PTP4A2: variants seen among roughly 807,000 people sequenced by gnomAD.
PTP4A2 encodes protein tyrosine phosphatase 4A2, also known as protein tyrosine phosphatase type IVA 2.
PTP4A2 carries 2 observed loss-of-function variants against 22.9 expected under a neutral mutation model. The observed-to-expected ratio is 0.09, with a 90% CI of 0.04 to 0.27. The LOEUF (loss-of-function observed/expected upper bound fraction) is 0.27, where lower values mean the gene tolerates loss of function less well. Among genes scored for constraint, PTP4A2 ranks in the 10% least tolerant of loss-of-function variants. The pLI is 1.00. For synonymous variants in PTP4A2, 68 were observed against 69.1 expected (o/e 0.98, Z 0.08); for missense variants, 103 against 205.1 (o/e 0.50, Z 3.04).
chr1:31,937,312 G>A (rs1334451445), intron 1 of PTP4A2, among the ~76,000 whole-genome samples: 1 of 152,078 alleles, frequency 6.6e-6, no homozygotes, highest in Non-Finnish European at 1.5e-5. Context: ...TAGTGCCGCT[G>A]GAGGAGACTT....
At chr1:31,918,260 A>C (rs1304058688) in intron 2 of PTP4A2, among the ~76,000 whole-genome samples, 1 of 152,184 alleles carries the variant, frequency 6.6e-6, no homozygotes, top group Non-Finnish European at 1.5e-5. Context: ...AAAAAAAAAA[A>C]AAACTTATGT....
rs1243509914 is a variant in PTP4A2, at chr1:31,906,680, C to G, written c.*2172G>C. On this transcript the variant is annotated 3_prime_UTR_variant, in exon 6 of 6. Transcript: ENST00000647444. The stretch of plus-strand genomic sequence containing the variant: ...TACATCCTTCTCCTCAATACAGAAC[C>G]AGGAATGTAATTTTCCTAACTCAGG... 2 of 151,812 alleles carry G rather than the reference C, an allele frequency of 1.3e-5. No individual in the cohort carries two copies. Among genetic ancestry groups the G allele is most frequent in the African/African-American group, 4.8e-5 (2 of 41,270 alleles). The allele number at this position is 151,812 out of a possible 1,614,324, so 9.4% of individuals were successfully genotyped here. A position where few individuals can be genotyped will look rare whatever the true frequency, so the allele number is the denominator to read the frequency against.
At chr1:31,931,680 AT>A (rs1253401695) in intron 1 of PTP4A2, among the ~76,000 whole-genome samples, 1 of 152,188 alleles carries the variant, frequency 6.6e-6, no homozygotes, top group African/African-American at 2.4e-5. Context: ...TGTGACTTAT[AT>A]TTAAAGTACT....
intron 1 of PTP4A2, among the ~76,000 whole-genome samples, chr1:31,920,126 CAAAAAA>C (rs772173962): frequency 4.6e-5 from 2 of 43,148 alleles, no homozygotes; most frequent in African/African-American, 9.5e-5. Flanking sequence ...AACTCTGCCT[CAAAAAA>C]AAAAAAAAAA....
intron 1 of PTP4A2, among the ~76,000 whole-genome samples, chr1:31,932,412 C>A (rs1652762090): frequency 6.6e-6 from 1 of 152,066 alleles, no homozygotes; most frequent in African/African-American, 2.4e-5. Context: ...ATTTAAAAAG[C>A]CAACATTGTG....
chr1:31,907,267 GCAC>G lies in PTP4A2; in HGVS notation c.*1582_*1584del, dbSNP rs1651222751. 6.6e-6 allele frequency: 1 copy of G among 152,186 alleles called. No homozygotes were observed. Among genetic ancestry groups the G allele is most frequent in the South Asian group, 2.1e-4 (1 of 4,830 alleles). 9.4% of individuals were successfully genotyped at this position (152,186 alleles called of 1,614,324 possible). A position where few individuals can be genotyped will look rare whatever the true frequency, so the allele number is the denominator to read the frequency against. On this transcript the variant is annotated 3_prime_UTR_variant, in exon 6 of 6. Coordinates refer to ENST00000647444, the MANE Select transcript of PTP4A2 (RefSeq NM_080391.4). The stretch of plus-strand genomic sequence containing the variant: ...CCGTATTCAGAGCCCTAGAAGCAGG[GCAC>G]TACTGAGTACGTAATATTTAGAGGT...
intron 3 of PTP4A2, chr1:31,914,162 G>A: frequency 2.4e-6 from 1 of 415,044 alleles, no homozygotes; most frequent in Non-Finnish European, 4.9e-6. Context: ...GACCTCTCGG[G>A]TTCAGGTGAT....
chr1:31,922,389 A>T (rs1056089060), intron 1 of PTP4A2, among the ~76,000 whole-genome samples: 1 of 152,188 alleles, frequency 6.6e-6, no homozygotes, highest in Non-Finnish European at 1.5e-5. Flanking sequence ...AGGCTGAGGC[A>T]GGAGAATTGC....
chr1:31,916,250 CA>C (rs1651827846), intron 2 of PTP4A2, among the ~76,000 whole-genome samples: 1 of 140,104 alleles, frequency 7.1e-6, no homozygotes, highest in African/African-American at 2.8e-5. Context: ...GAGGCTGAGG[CA>C]GGAGAATCGC....
chr1:31,909,671 C>CAAA (rs1213460518), intron 5 of PTP4A2, among the ~76,000 whole-genome samples: 1 of 126,314 alleles, frequency 7.9e-6, no homozygotes, highest in Non-Finnish European at 1.7e-5. Context: ...GACTCCATCT[C>CAAA]AAAAAAAAAA....
chr1:31,908,977 G>A lies in PTP4A2; in HGVS notation c.396-17C>T, dbSNP rs1038218022. 2 of 1,561,258 alleles carry A rather than the reference G, an allele frequency of 1.3e-6. No individual in the cohort carries two copies. Among genetic ancestry groups the A allele is most frequent in the Admixed American group, 1.7e-5 (1 of 59,654 alleles). On this transcript the variant is annotated splice_polypyrimidine_tract_variant and intron_variant, in intron 5 of 5. Coordinates refer to ENST00000647444, the MANE Select transcript of PTP4A2 (RefSeq NM_080391.4). ...CTTCTTTTTCTGAAAATACAAGAATGGCAAACTTTATCATGTAAAAAAAGA... is the reference window on the plus strand; with the variant it reads ...CTTCTTTTTCTGAAAATACAAGAATAGCAAACTTTATCATGTAAAAAAAGA...
chr1:31,934,377 A>G (rs1652848602), intron 1 of PTP4A2, among the ~76,000 whole-genome samples: 1 of 152,280 alleles, frequency 6.6e-6, no homozygotes, highest in Non-Finnish European at 1.5e-5. Context: ...TAAATCAACC[A>G]AACTTAGTTT....
At chr1:31,923,391 G>A (rs1478379843) in intron 1 of PTP4A2, among the ~76,000 whole-genome samples, 1 of 140,056 alleles carries the variant, frequency 7.1e-6, no homozygotes, top group Non-Finnish European at 1.5e-5. Context: ...CTGGAGTGCA[G>A]TGGCGCGATC....
intron 2 of PTP4A2, among the ~76,000 whole-genome samples, chr1:31,916,367 A>G (rs1651842590): frequency 6.7e-6 from 1 of 150,156 alleles, no homozygotes; most frequent in Non-Finnish European, 1.5e-5. Flanking sequence ...AAAAAAAAAA[A>G]AAAAAGAAAT....
At chr1:31,913,335 G>GT (rs1215018166) in intron 3 of PTP4A2, among the ~76,000 whole-genome samples, 1 of 152,184 alleles carries the variant, frequency 6.6e-6, no homozygotes, top group Non-Finnish European at 1.5e-5. Flanking sequence ...TTTTTCAAGT[G>GT]TAAGTTAAAC....
In PTP4A2 at chr1:31,908,156, ATATATATAT is replaced by A; in HGVS notation, c.*687_*695del. 3.3e-4 allele frequency: 1 copy of A among 3,038 alleles called. No individual in the cohort carries two copies. The highest frequency in any genetic ancestry group is 3.8e-3 in the Admixed American group (1 of 260). 0.2% of individuals were successfully genotyped at this position (3,038 alleles called of 1,614,324 possible). On this transcript the variant is annotated 3_prime_UTR_variant, in exon 6 of 6. Transcript: ENST00000647444. ...TATATTATATTATATATATATATAT[ATATATATAT>A]ATATATATATATATATATATATATA...
chr1:31,930,198 C>G (rs551142656), intron 1 of PTP4A2, among the ~76,000 whole-genome samples: 1 of 152,086 alleles, frequency 6.6e-6, no homozygotes, highest in African/African-American at 2.4e-5. Flanking sequence ...ATTAGCCGGG[C>G]GAGGTGGCGG....
chr1:31,932,149 G>A (rs1652752076), intron 1 of PTP4A2, among the ~76,000 whole-genome samples: 1 of 152,084 alleles, frequency 6.6e-6, no homozygotes, highest in Admixed American at 6.5e-5. Flanking sequence ...AACATATCTG[G>A]CCACTGCAGA....
rs773719348 is a variant in PTP4A2 at position 31,915,965 on chromosome 1, G to A, written c.119C>T (p.Thr40Met). 7.5e-6 allele frequency: 12 copies of A among 1,599,938 alleles called. No individual in the cohort carries two copies. In the Admixed American group the frequency reaches 1.0e-4, roughly 14 times the overall value. ...AGCATCACAAACTCGAACCAAAGTC[G>A]TCACTCCATACTTCTTAAGTTCCTT... ...FTEELKKYGVTTLVRVCDATY... is the reference protein window; with the variant it reads ...FTEELKKYGVMTLVRVCDATY... Residue 40 changes from threonine to methionine, a missense_variant, in exon 3 of 6, where the codon ACG (threonine) becomes ATG (methionine). Thr to Met is a moderately conservative substitution (Grantham distance 81). Coordinates refer to ENST00000647444, the MANE Select transcript of PTP4A2 (RefSeq NM_080391.4).
Sources: allele counts gnomAD v4.1 joint callset (sites outside exome capture counted in the v4.1 genomes callset), GRCh38; gene constraint gnomAD v4.1.1; transcripts MANE v1.5; gene names NCBI Gene and HGNC (gene_info 2026-07-23, HGNC 2026-07-21).